The following DISP1 variants were observed in gnomAD, a reference collection of about 807,000 sequenced individuals.
The protein encoded by DISP1 is dispatched RND transporter family member 1.
Under a neutral mutation model 37.3 loss-of-function variants are expected in DISP1, and 30 were observed. The observed-to-expected ratio is 0.80, with a 90% CI of 0.60 to 1.09. The LOEUF (loss-of-function observed/expected upper bound fraction) is 1.09, where lower values mean the gene tolerates loss of function less well. Among genes scored for constraint, DISP1 ranks in the 50% least tolerant of loss-of-function variants. The pLI is 0.00. For missense variants in DISP1, 1,598 were observed against 1,879.5 expected (o/e 0.85, Z 2.77); for synonymous variants, 634 against 690.2 (o/e 0.92, Z 1.28).
chr1:222,917,452 C>T (rs367718792), intron 1 of DISP1, among the ~76,000 whole-genome samples: 2 of 152,070 alleles, frequency 1.3e-5, no homozygotes, highest in Non-Finnish European at 2.9e-5. Context: ...ACAAGAAACC[C>T]CTTTACAAGT....
intron 1 of DISP1, among the ~76,000 whole-genome samples, chr1:222,829,323 C>T (rs996437070): frequency 3.3e-5 from 5 of 152,096 alleles, no homozygotes; most frequent in African/African-American, 1.2e-4. Context: ...GCTGAAATTA[C>T]CATGAAAATG....
chr1:222,925,945 A>T (rs980169075), intron 1 of DISP1, among the ~76,000 whole-genome samples: 1 of 152,210 alleles, frequency 6.6e-6, no homozygotes, highest in African/African-American at 2.4e-5. Flanking sequence ...ATCCGAAAAA[A>T]TTCACCATTT....
chr1:222,990,502 G>T, intron 4 of DISP1, 123 bp from the exon 5 acceptor site: 1 of 1,386,244 alleles, frequency 7.2e-7, no homozygotes. Context: ...TCTACAATAT[G>T]AGGATTTAAT....
intron 8 of DISP1, among the ~76,000 whole-genome samples, chr1:222,996,350 C>T (rs1349249652): frequency 6.6e-6 from 1 of 152,186 alleles, no homozygotes; most frequent in East Asian, 1.9e-4. Context: ...GGTACTTGTA[C>T]ATCACTCACA....
intron 1 of DISP1, among the ~76,000 whole-genome samples, chr1:222,864,138 C>T (rs1007078313): frequency 1.3e-5 from 2 of 152,148 alleles, no homozygotes; most frequent in Non-Finnish European, 1.5e-5. Context: ...TTGACTCTTC[C>T]AGTTCAAATC....
At chr1:222,969,839 G>T (rs974948253) in intron 3 of DISP1, among the ~76,000 whole-genome samples, 12 of 151,948 alleles carry the variant, frequency 7.9e-5, no homozygotes, top group African/African-American at 2.4e-4. Flanking sequence ...CATTTTCTTA[G>T]GCTTCAGGAA....
Position 222,943,005 on chromosome 1 carries a change from C to T in DISP1, c.182C>T (p.Thr61Met), listed in dbSNP as rs146408462. The T allele has an allele frequency of 1.1e-4, 175 of 1,614,196 alleles. No homozygotes were observed. The East Asian group carries it at 1.5e-3, about 14-fold the overall frequency. The change falls in exon 3 of 9, where the codon ACG becomes ATG. Residue 61 changes from threonine (T) to methionine (M), a missense_variant. By Grantham distance (81) the Thr-to-Met change is moderately conservative. Transcript: ENST00000675850. ...SPNGCLQLNG[T>M]VKSSFLPLDN... ...AATGGATGCCTGCAACTTAATGGCA[C>T]GGTCAAATCATCCTTTCTGCCTTTA... is the stretch of plus-strand genomic sequence containing the variant.
Position 222,903,675 on chromosome 1 carries a change from A to G in DISP1, c.-158-24755A>G, listed in dbSNP as rs1390519122. ...TGTTTTTTAAGCTGGCTTTGTGATC[A>G]CTGTTTAAGAACTTTAGATGTAGTG... On this transcript the variant is annotated intron_variant, in intron 1 of 8. Coordinates refer to ENST00000675850, the MANE Select transcript of DISP1 (RefSeq NM_001377229.1). Among the ~76,000 whole-genome samples, 3 of 152,140 alleles carry G rather than the reference A, an allele frequency of 2.0e-5. No homozygotes were observed. The East Asian group carries it at 5.8e-4, about 29-fold the overall frequency.
chr1:222,938,761 A>C (rs1034370770), intron 2 of DISP1, among the ~76,000 whole-genome samples: 5 of 75,004 alleles, frequency 6.7e-5, no homozygotes, highest in Middle Eastern at 0.013. Flanking sequence ...AAAAAAAAAA[A>C]AGGAAGGAAG....
At chr1:222,880,002 A>C (rs1670189269) in intron 1 of DISP1, among the ~76,000 whole-genome samples, 1 of 152,164 alleles carries the variant, frequency 6.6e-6, no homozygotes, top group South Asian at 2.1e-4. Flanking sequence ...TATGCAAAAA[A>C]AAAAGTCTTG....
At chr1:222,999,978 C>T (rs1450697677) in intron 8 of DISP1, among the ~76,000 whole-genome samples, 2 of 152,182 alleles carry the variant, frequency 1.3e-5, no homozygotes, top group African/African-American at 2.4e-5. Context: ...AGCATTTAAT[C>T]TGTGTTTATA....
Position 222,978,037 on chromosome 1 carries a change from T to C in DISP1, c.510-5043T>C, listed in dbSNP as rs372583568. 1.8e-4 allele frequency among the ~76,000 whole-genome samples: 28 copies of C among 152,348 alleles called. No individual in the cohort carries two copies. The East Asian group carries it at 5.4e-3, about 29-fold the overall frequency. ...TTATAGCAGCATGATTTATAATCCT[T>C]TGGGTATATACCCAGTAATGGGATG... On this transcript the variant is annotated intron_variant, in intron 3 of 8. Transcript: ENST00000675850.
rs184534571 is a variant in DISP1 at position 222,903,915 on chromosome 1, A to C, written c.-158-24515A>C. 5.3e-4 allele frequency among the ~76,000 whole-genome samples: 80 copies of C among 152,364 alleles called. No homozygotes were observed. In the East Asian group the frequency reaches 0.012, roughly 23 times the overall value. ...GTGTTTCCTCAGAAGGAGGCAATAG[A>C]GTGCATAAACATCAAATTTGTGCTT... On this transcript the variant is annotated intron_variant, in intron 1 of 8. Coordinates refer to ENST00000675850, the MANE Select transcript of DISP1 (RefSeq NM_001377229.1).
intron 1 of DISP1, among the ~76,000 whole-genome samples, chr1:222,862,300 A>G (rs144036952): frequency 3.8e-4 from 58 of 152,268 alleles, no homozygotes; most frequent in Non-Finnish European, 7.5e-4. Flanking sequence ...TAAAGTTTTT[A>G]TATTCATATA....
chr1:222,950,411 T>G (rs746964304), intron 3 of DISP1, among the ~76,000 whole-genome samples: 21 of 152,060 alleles, frequency 1.4e-4, no homozygotes, highest in Middle Eastern at 3.2e-3. Flanking sequence ...CCGTCCTGGC[T>G]AACACAGTGA....
chr1:222,860,636 C>T (rs947762294), intron 1 of DISP1, among the ~76,000 whole-genome samples: 11 of 151,978 alleles, frequency 7.2e-5, no homozygotes, highest in Non-Finnish European at 1.0e-4. Context: ...CCTGTAATCC[C>T]AGCACTTTGG....
intron 1 of DISP1, among the ~76,000 whole-genome samples, chr1:222,842,784 C>G (rs1031762091): frequency 3.3e-5 from 5 of 151,936 alleles, no homozygotes; most frequent in Non-Finnish European, 7.4e-5. Flanking sequence ...CAACATTTCC[C>G]ACATTGTTTG....
rs1042232425 is a variant in DISP1, at chr1:222,942,868, C to T, written c.45C>T (p.Asn15=). ...NGNNDFVVLS[N]SSIATSAANP... ...ACAATGATTTTGTGGTTCTGAGCAA[C>T]AGCAGCATCGCAACCAGTGCTGCTA... The change falls in exon 3 of 9, where the codon AAC becomes AAT. Residue 15 remains asparagine, a synonymous_variant. Coordinates refer to ENST00000675850, the MANE Select transcript of DISP1 (RefSeq NM_001377229.1). The T allele has an allele frequency of 1.5e-5, 25 of 1,614,048 alleles. No homozygotes were observed. The highest frequency in any genetic ancestry group is 1.1e-4 in the African/African-American group (8 of 74,908).
chr1:222,946,126 C>A (rs1209349432), intron 3 of DISP1, among the ~76,000 whole-genome samples: 1 of 151,206 alleles, frequency 6.6e-6, no homozygotes, highest in East Asian at 1.9e-4. Flanking sequence ...GTAATCCCAG[C>A]ACTTTGGGAG....
Sources: gnomAD v4.1 joint callset for allele counts (sites outside exome capture counted in the v4.1 genomes callset) on GRCh38, gnomAD v4.1.1 for gene constraint, MANE v1.5 for transcripts, NCBI Gene and HGNC (gene_info 2026-07-23, HGNC 2026-07-21) for gene names.